The following KTN1 variants were observed in gnomAD, a reference collection of about 807,000 sequenced individuals.
The protein encoded by KTN1 is kinectin 1, also known as kinectin.
KTN1 carries 130 observed loss-of-function variants against 222.5 expected under a neutral mutation model. The ratio of observed to expected loss-of-function variants is 0.58; its 90% confidence interval spans 0.51 to 0.68. KTN1 has a LOEUF of 0.68. Ranked by LOEUF, KTN1 falls within the 30% of genes least tolerant of loss-of-function variation. The pLI, the probability that KTN1 is intolerant of heterozygous loss-of-function variation, is 0.00. For missense variants in KTN1, 1,508 were observed against 1,500.4 expected, an observed-to-expected ratio of 1.01 and a Z score of -0.08; for synonymous variants, 512 against 496.3, an observed-to-expected ratio of 1.03 and a Z score of -0.42.
At chr14:55,655,295 T>G (rs930857784) in intron 28 of KTN1, among the ~76,000 whole-genome samples, 2 of 152,212 alleles carry the variant, frequency 1.3e-5, no homozygotes, top group Non-Finnish European at 2.9e-5. Flanking sequence ...TGCCTTCTTT[T>G]ACTTAGCAAT....
At chr14:55,591,621 T>C (rs1481392586) in intron 1 of KTN1, among the ~76,000 whole-genome samples, 1 of 144,738 alleles carries the variant, frequency 6.9e-6, no homozygotes, top group Non-Finnish European at 1.5e-5. Context: ...GGAATTTTGC[T>C]CTTGTCGCCC....
intron 10 of KTN1, among the ~76,000 whole-genome samples, chr14:55,636,865 A>T: frequency 6.7e-6 from 1 of 149,762 alleles, no homozygotes. Flanking sequence ...GAAAATACTC[A>T]CTTCTTATTT....
chr14:55,596,086 C>T (rs189576090), intron 1 of KTN1, among the ~76,000 whole-genome samples: 23 of 135,834 alleles, frequency 1.7e-4, no homozygotes, highest in East Asian at 1.2e-3. Flanking sequence ...ACCTGGGAGG[C>T]GGAGCTTACA....
intron 5 of KTN1, among the ~76,000 whole-genome samples, chr14:55,627,163 C>G (rs2039943057): frequency 6.6e-6 from 1 of 152,154 alleles, no homozygotes; most frequent in Non-Finnish European, 1.5e-5. Flanking sequence ...TTCATATTCT[C>G]TCTTTTGATC....
chr14:55,596,933 T>C (rs542769856), intron 1 of KTN1, among the ~76,000 whole-genome samples: 23 of 152,278 alleles, frequency 1.5e-4, no homozygotes, highest in African/African-American at 5.5e-4. Context: ...CATAGACTCT[T>C]TTTGCAGCTT....
At chr14:55,580,763 G>A (rs977679451) in intron 1 of KTN1, among the ~76,000 whole-genome samples, 8 of 152,304 alleles carry the variant, frequency 5.3e-5, no homozygotes, top group African/African-American at 1.7e-4. Flanking sequence ...CGGGAGGGAA[G>A]GCGGATTACC....
At chr14:55,614,547 C>A (rs2038068634) in intron 2 of KTN1, among the ~76,000 whole-genome samples, 1 of 152,000 alleles carries the variant, frequency 6.6e-6, no homozygotes, top group South Asian at 2.1e-4. Context: ...TTTTTTTATG[C>A]CCATGAACCA....
chr14:55,610,888 A>ACCCGCCCCCTTCCCG (rs1263941106), intron 1 of KTN1, among the ~76,000 whole-genome samples: 1 of 152,190 alleles, frequency 6.6e-6, no homozygotes, highest in Non-Finnish European at 1.5e-5. Flanking sequence ...TTACATCGCC[A>ACCCGCCCCCTTCCCG]CCCGCCCCCT....
At chr14:55,637,987 A>G (rs1210577969) in intron 12 of KTN1, 140 bp downstream of exon 12, 2 of 605,858 alleles carry the variant, frequency 3.3e-6, no homozygotes. Context: ...CCTGAGTGCT[A>G]AACACTTGCT....
At chr14:55,593,442 C>CT (rs2140383193) in intron 1 of KTN1, among the ~76,000 whole-genome samples, 1 of 141,172 alleles carries the variant, frequency 7.1e-6, no homozygotes, top group South Asian at 2.5e-4. Flanking sequence ...AGACACCCCC[C>CT]CCCCAAAAAA....
At chr14:55,586,685 C>T (rs568084528) in intron 1 of KTN1, among the ~76,000 whole-genome samples, 30 of 152,094 alleles carry the variant, frequency 2.0e-4, no homozygotes, top group Middle Eastern at 3.4e-3. Context: ...AAGGATCCCC[C>T]TCCCCCCCAT....
intron 1 of KTN1, among the ~76,000 whole-genome samples, chr14:55,586,820 G>A (rs1446996131): frequency 3.3e-5 from 5 of 152,134 alleles, no homozygotes; most frequent in Non-Finnish European, 5.9e-5. Context: ...TATATGGAAA[G>A]CAGTAGATAG....
Position 55,667,316 on chromosome 14 carries a change from G to A in KTN1, c.3253G>A (p.Val1085Ile). ...CAAAAAATTATTTCCAAAGGTGTCT[G>A]TCCCTTCTAATTTGGTAAGACTAAT... Reference protein sequence around the residue: ...VLKKLFPKVSVPSNLSYGEWL... With the variant: ...VLKKLFPKVSIPSNLSYGEWL... Residue 1085 changes from valine (V) to isoleucine (I), a missense_variant, in exon 34 of 44, where the codon GTC (valine) becomes ATC (isoleucine). Coordinates refer to ENST00000395314, the MANE Select transcript of KTN1 (RefSeq NM_001079521.2). The A allele has an allele frequency of 6.3e-7, 1 of 1,587,098 alleles. No homozygotes were observed. The highest frequency in any genetic ancestry group is 2.3e-5 in the East Asian group (1 of 44,064).
At chr14:55,623,623 G>T (rs11626238) in intron 5 of KTN1, among the ~76,000 whole-genome samples, 1 of 152,142 alleles carries the variant, frequency 6.6e-6, no homozygotes, top group Non-Finnish European at 1.5e-5. Context: ...GTCCTGCCTT[G>T]GCCTCCCAAA....
chr14:55,634,487 G>T, intron 8 of KTN1, 39 bp from the exon 9 acceptor site: 1 of 1,543,768 alleles, frequency 6.5e-7, no homozygotes, highest in Non-Finnish European at 8.7e-7. Flanking sequence ...ATATATATTT[G>T]TAATAACGGA....
rs1015870882 is a variant in KTN1 at position 55,637,680 on chromosome 14, A to G, written c.1717-99A>G. On this transcript the variant is annotated intron_variant, in intron 11 of 43. Coordinates refer to ENST00000395314, the MANE Select transcript of KTN1 (RefSeq NM_001079521.2). Reference sequence around the variant, plus strand: ...TCTAAGAATGCCTTAAAAAAAAAAAAGAAAAAGATAAACAAATGTACCTAT... The same window carrying G: ...TCTAAGAATGCCTTAAAAAAAAAAAGGAAAAAGATAAACAAATGTACCTAT... 18 of 841,150 alleles carry G rather than the reference A, an allele frequency of 2.1e-5. No homozygotes were observed. In the African/African-American group the frequency reaches 2.7e-4, roughly 13 times the overall value. 52.1% of individuals were successfully genotyped at this position (841,150 alleles called of 1,614,324 possible).
chr14:55,622,473 T>C (rs1307438654), intron 5 of KTN1, among the ~76,000 whole-genome samples: 1 of 152,226 alleles, frequency 6.6e-6, no homozygotes, highest in Admixed American at 6.5e-5. Flanking sequence ...TATAATATCA[T>C]ATGTACTATG....
rs2046596413 is a variant in KTN1, at chr14:55,684,170, C to T, written c.*67C>T. 2.3e-6 allele frequency: 3 copies of T among 1,280,204 alleles called. No homozygotes were observed. Among genetic ancestry groups the T allele is most frequent in the Non-Finnish European group, 2.2e-6 (2 of 900,068 alleles). 79.3% of individuals were successfully genotyped at this position (1,280,204 alleles called of 1,614,324 possible). ...GTATTATATTTTGCCAAATTAAAGC[C>T]TTATTTATGTTTTCACCCTTTCTAC... On this transcript the variant is annotated 3_prime_UTR_variant, in exon 44 of 44. Coordinates refer to ENST00000395314, the MANE Select transcript of KTN1 (RefSeq NM_001079521.2).
In KTN1 at chr14:55,653,051, A is replaced by G. The variant is rs374610828; in HGVS notation, c.2729A>G (p.His910Arg). 7.5e-6 allele frequency: 12 copies of G among 1,603,226 alleles called. No homozygotes were observed. In the Admixed American group the frequency reaches 1.5e-4, roughly 20 times the overall value. Residue 910 changes from histidine to arginine, a missense_variant, in exon 27 of 44, where the codon CAT becomes CGT. Coordinates refer to ENST00000395314, the MANE Select transcript of KTN1 (RefSeq NM_001079521.2). ...LQEENESLKA[H>R]VQEVAQHNLK... ...GAAGAAAATGAATCTTTAAAAGCAC[A>G]TGTTCAGGAAGTAGCACAACATAAC...
Sources: gnomAD v4.1 joint callset for allele counts (sites outside exome capture counted in the v4.1 genomes callset) on GRCh38, gnomAD v4.1.1 for gene constraint, MANE v1.5 for transcripts, NCBI Gene and HGNC (gene_info 2026-07-23, HGNC 2026-07-21) for gene names.